SLC60A1: variants seen among roughly 807,000 people sequenced by gnomAD.
SLC60A1 encodes the protein major facilitator superfamily domain containing 4.
At chr1:205,569,756 C>T in the SLC60A1 span, among the ~76,000 whole-genome samples, 1 of 152,228 alleles carries the variant, frequency 6.6e-6, no homozygotes, top group African/African-American at 2.4e-5. Context: ...GGAGGGCCAG[C>T]TCTGTGGCGG....
At chr1:205,592,021 C>T in the SLC60A1 span, 1 of 1,384,508 alleles carries the variant, frequency 7.2e-7, no homozygotes, top group Non-Finnish European at 9.9e-7. Flanking sequence ...GGTCACACAG[C>T]TGGGCTCCTT....
the SLC60A1 span, chr1:205,597,922 A>G: frequency 2.7e-6 from 4 of 1,457,736 alleles, no homozygotes; most frequent in Non-Finnish European, 3.8e-6. Flanking sequence ...AGATGCAGAT[A>G]GCCACCTTCT....
the SLC60A1 span, chr1:205,569,335 CCCCGGCA>C: frequency 1.4e-6 from 2 of 1,413,728 alleles, no homozygotes; most frequent in Non-Finnish European, 1.9e-6. Context: ...GCCCCGCGGC[CCCCGGCA>C]CCCACCCTCG....
At chr1:205,592,089 C>A in the SLC60A1 span, 3 of 1,606,476 alleles carry the variant, frequency 1.9e-6, no homozygotes, top group Non-Finnish European at 2.6e-6. Context: ...TCCTCACCAC[C>A]GATGCTCAGC....
the SLC60A1 span, among the ~76,000 whole-genome samples, chr1:205,596,577 A>AAAAAAAT: frequency 7.0e-6 from 1 of 142,214 alleles, no homozygotes; most frequent in Non-Finnish European, 1.5e-5. Flanking sequence ...AAAAAAAAAA[A>AAAAAAAT]AGATGAATGA....
chr1:205,601,680 T>A, the SLC60A1 span: 1 of 152,398 alleles, frequency 6.6e-6, no homozygotes, highest in Non-Finnish European at 1.5e-5. Context: ...GCCTCCCAGT[T>A]TCAAGCGATT....
chr1:205,594,135 G>A, the SLC60A1 span, among the ~76,000 whole-genome samples: 52 of 152,244 alleles, frequency 3.4e-4, no homozygotes, highest in African/African-American at 1.2e-3. Context: ...TGGGCCCCAC[G>A]GGACATGGCC....
At chr1:205,579,456 T>C in the SLC60A1 span, 1 of 562,928 alleles carries the variant, frequency 1.8e-6, no homozygotes, top group Admixed American at 3.0e-5. Flanking sequence ...ATTTAATTGC[T>C]TTTAAGTAAA....
chr1:205,584,387 A>G, the SLC60A1 span, among the ~76,000 whole-genome samples: 1 of 151,308 alleles, frequency 6.6e-6, no homozygotes, highest in African/African-American at 2.4e-5. Flanking sequence ...ACACCTGGCT[A>G]ATTTTTGTAT....
chr1:205,579,602 A>T, the SLC60A1 span: 1 of 864,256 alleles, frequency 1.2e-6, no homozygotes, highest in Non-Finnish European at 1.8e-6. Context: ...GCCCACAGCT[A>T]ATAAGTGAGC....
the SLC60A1 span, among the ~76,000 whole-genome samples, chr1:205,596,836 C>T: frequency 5.9e-5 from 9 of 152,174 alleles, no homozygotes; most frequent in South Asian, 1.9e-3. Flanking sequence ...CTATGCCAGG[C>T]TCTTGGCATG....
At chr1:205,569,308 C>A in the SLC60A1 span, 2 of 1,486,540 alleles carry the variant, frequency 1.3e-6, no homozygotes, top group Admixed American at 2.1e-5. Context: ...ACGTGAGTGC[C>A]GCGCCCGTGC....
At chr1:205,597,338 C>T in the SLC60A1 span, among the ~76,000 whole-genome samples, 2 of 147,102 alleles carry the variant, frequency 1.4e-5, no homozygotes, top group South Asian at 4.4e-4. Context: ...TCTGCCAGGC[C>T]ATCTTCCAGA....
At chr1:205,597,615 T>C in the SLC60A1 span, 3 of 632,350 alleles carry the variant, frequency 4.7e-6, no homozygotes, top group South Asian at 5.5e-5. Flanking sequence ...AGACTGGTCT[T>C]GAACTCCTGG....
At chr1:205,584,028 C>T in the SLC60A1 span, 4 of 1,614,058 alleles carry the variant, frequency 2.5e-6, no homozygotes, top group East Asian at 6.7e-5. Context: ...CAGAGGAGGC[C>T]CCTGCTTCTG....
At chr1:205,595,385 CCT>C in the SLC60A1 span, among the ~76,000 whole-genome samples, 1 of 152,208 alleles carries the variant, frequency 6.6e-6, no homozygotes, top group African/African-American at 2.4e-5. Flanking sequence ...TCCTTCCAGA[CCT>C]AACTCCAGGA....
At chr1:205,597,373 G>GTTTTTTT in the SLC60A1 span, among the ~76,000 whole-genome samples, 7 of 37,226 alleles carry the variant, frequency 1.9e-4, no homozygotes, top group Non-Finnish European at 3.5e-4. Flanking sequence ...AACCTAGGTT[G>GTTTTTTT]TTTTTTTTTT....
chr1:205,582,469 C>T, the SLC60A1 span, among the ~76,000 whole-genome samples: 1 of 152,248 alleles, frequency 6.6e-6, no homozygotes, highest in African/African-American at 2.4e-5. Context: ...GCTGCCTTCC[C>T]TGAATGGAAT....
chr1:205,597,082 G>A, the SLC60A1 span, among the ~76,000 whole-genome samples: 37 of 152,310 alleles, frequency 2.4e-4, no homozygotes, highest in South Asian at 6.4e-3. Context: ...CCAGGACAGC[G>A]AAGACACTAG....
Sources: gnomAD v4.1 joint callset for allele counts (sites outside exome capture counted in the v4.1 genomes callset) on GRCh38, gnomAD v4.1.1 for gene constraint, MANE v1.5 for transcripts, NCBI Gene and HGNC (gene_info 2026-07-23, HGNC 2026-07-21) for gene names.